The following SH3D19 variants were observed in gnomAD, a reference collection of about 807,000 sequenced individuals.
The protein encoded by SH3D19 is SH3 domain-containing protein 19.
SH3D19 carries 58 observed loss-of-function variants against 112.1 expected under a neutral mutation model. The ratio of observed to expected loss-of-function variants is 0.52; its 90% CI spans 0.42 to 0.64. The LOEUF is 0.64. Ranked by LOEUF, SH3D19 falls within the 30% of genes least tolerant of loss-of-function variation. The probability of loss-of-function intolerance (pLI) is 0.00; values close to 1 mark genes in which losing one functional copy is unlikely to be tolerated. For missense variants in SH3D19, 1,090 were observed against 1,263.4 expected, an observed-to-expected ratio of 0.86 and a Z score of 2.08; for synonymous variants, 391 against 448.5, an observed-to-expected ratio of 0.87 and a Z score of 1.62.
At chr4:151,288,344 A>G (rs1257210326) in intron 1 of SH3D19, among the ~76,000 whole-genome samples, 1 of 152,230 alleles carries the variant, frequency 6.6e-6, no homozygotes, top group African/African-American at 2.4e-5. Flanking sequence ...ATCTCTAGTC[A>G]CAGATGACAT....
intron 1 of SH3D19, among the ~76,000 whole-genome samples, chr4:151,319,885 T>C (rs954497656): frequency 3.3e-5 from 5 of 152,318 alleles, no homozygotes; most frequent in African/African-American, 9.6e-5. Context: ...AACTGACTTA[T>C]ATGAGCAGTC....
chr4:151,154,128 ATT>A (rs547926242), intron 9 of SH3D19, among the ~76,000 whole-genome samples: 19 of 108,710 alleles, frequency 1.7e-4, no homozygotes, highest in Admixed American at 1.9e-4. Flanking sequence ...CACCCGGCTG[ATT>A]TTTTTTTTTT....
At chr4:151,298,579 G>C (rs1260282978) in intron 1 of SH3D19, among the ~76,000 whole-genome samples, 1 of 152,104 alleles carries the variant, frequency 6.6e-6, no homozygotes, top group South Asian at 2.1e-4. Context: ...ATTAGATGTC[G>C]AAGTAAAGAT....
At chr4:151,294,681 G>A (rs1775580076) in intron 1 of SH3D19, among the ~76,000 whole-genome samples, 1 of 152,212 alleles carries the variant, frequency 6.6e-6, no homozygotes, top group African/African-American at 2.4e-5. Flanking sequence ...CATGTACCAG[G>A]TACCATTCCA....
chr4:151,267,348 A>T (rs2149994218), intron 1 of SH3D19, among the ~76,000 whole-genome samples: 1 of 152,140 alleles, frequency 6.6e-6, no homozygotes, highest in African/African-American at 2.4e-5. Context: ...AGAAAAAAAA[A>T]AAGGCTCTTT....
chr4:151,158,999 T>C (rs1423748259), intron 9 of SH3D19, among the ~76,000 whole-genome samples: 5 of 152,152 alleles, frequency 3.3e-5, no homozygotes, highest in Non-Finnish European at 4.4e-5. Context: ...ACAATGCCAT[T>C]AAGTTGGTAT....
intron 9 of SH3D19, among the ~76,000 whole-genome samples, chr4:151,157,259 GA>G (rs560064738): frequency 4.1e-4 from 50 of 122,044 alleles, no homozygotes; most frequent in Middle Eastern, 4.2e-3. Flanking sequence ...CTCAAAAAAA[GA>G]AAAAAAAAAA....
chr4:151,298,962 C>T (rs1038613557), intron 1 of SH3D19, among the ~76,000 whole-genome samples: 5 of 152,140 alleles, frequency 3.3e-5, no homozygotes, highest in African/African-American at 1.2e-4. Flanking sequence ...AGTTCAAATC[C>T]CCCACATAAT....
chr4:151,214,588 T>C (rs1479106988), intron 2 of SH3D19, among the ~76,000 whole-genome samples: 14 of 126,430 alleles, frequency 1.1e-4, no homozygotes, highest in African/African-American at 4.1e-4. Flanking sequence ...GGCAGGGGGC[T>C]GACCCCCCAC....
At chr4:151,301,556 C>T (rs1472168603) in intron 1 of SH3D19, among the ~76,000 whole-genome samples, 1 of 152,038 alleles carries the variant, frequency 6.6e-6, no homozygotes, top group Non-Finnish European at 1.5e-5. Context: ...AGGTGTGTGG[C>T]ACTCCCCGCT....
At chr4:151,161,213 T>C (rs111872373) in intron 8 of SH3D19, among the ~76,000 whole-genome samples, 272 of 152,136 alleles carry the variant, frequency 1.8e-3, no homozygotes, top group Middle Eastern at 3.4e-3. Context: ...GGAGGGAGCC[T>C]TGCAGACATC....
intron 16 of SH3D19, 42 bp downstream of exon 16, chr4:151,132,992 G>C (rs375015202): frequency 5.8e-5 from 87 of 1,489,764 alleles, no homozygotes; most frequent in Non-Finnish European, 7.7e-5. Flanking sequence ...TGGTTTATTT[G>C]AATTAGGACA....
At chr4:151,289,402 T>C (rs551265883) in intron 1 of SH3D19, among the ~76,000 whole-genome samples, 112 of 152,298 alleles carry the variant, frequency 7.4e-4, no homozygotes, top group Non-Finnish European at 8.5e-4. Context: ...TTCAGAACTT[T>C]TATGCTTCAA....
chr4:151,267,635 T>C (rs974603403), intron 1 of SH3D19, among the ~76,000 whole-genome samples: 7 of 152,162 alleles, frequency 4.6e-5, no homozygotes, highest in Non-Finnish European at 1.0e-4. Flanking sequence ...TTTTTTCAAT[T>C]AACAAAATGA....
At chr4:151,151,376 T>G (rs1370095416) in intron 9 of SH3D19, among the ~76,000 whole-genome samples, 1 of 152,172 alleles carries the variant, frequency 6.6e-6, no homozygotes, top group Non-Finnish European at 1.5e-5. Flanking sequence ...AAAAAAATGC[T>G]GACTCTTTAA....
At chr4:151,218,698 G>A (rs1480507424) in intron 2 of SH3D19, among the ~76,000 whole-genome samples, 1 of 152,126 alleles carries the variant, frequency 6.6e-6, no homozygotes, top group East Asian at 1.9e-4. Context: ...CCATTCATTT[G>A]ATAATCAATA....
intron 2 of SH3D19, among the ~76,000 whole-genome samples, chr4:151,190,282 G>C (rs1361697553): frequency 6.6e-6 from 1 of 152,192 alleles, no homozygotes; most frequent in Non-Finnish European, 1.5e-5. Context: ...CTGACAATGT[G>C]ATAAAAGAGA....
At chr4:151,249,693 A>G (rs1177583816) in intron 1 of SH3D19, among the ~76,000 whole-genome samples, 1 of 152,158 alleles carries the variant, frequency 6.6e-6, no homozygotes, top group Non-Finnish European at 1.5e-5. Context: ...CAACATTTTC[A>G]GGAACAAAGG....
In SH3D19 at chr4:151,165,668, T is replaced by A. The variant is rs766726099; in HGVS notation, c.1563A>T (p.Glu521Asp). 3 of 1,614,082 alleles carry A rather than the reference T, an allele frequency of 1.9e-6. No individual in the cohort carries two copies. In the African/African-American group the frequency reaches 4.0e-5, roughly 22 times the overall value. Residue 521 changes from glutamate (E) to aspartate (D), a missense_variant, in exon 8 of 20, where the codon GAA (glutamate) becomes GAT (aspartate). Physicochemically the swap from Glu to Asp is conservative, Grantham distance 45. Transcript: ENST00000604030. ...GTTGAACTGCTCGTTCTTTTATTGGTTCTGTTTTTGCAGGGAGCTGAAAGG... is the reference window on the plus strand; with the variant it reads ...GTTGAACTGCTCGTTCTTTTATTGGATCTGTTTTTGCAGGGAGCTGAAAGG... ...LDPFQLPAKTEPIKERAVQPA... is the reference protein window; with the variant it reads ...LDPFQLPAKTDPIKERAVQPA...
Sources: allele counts gnomAD v4.1 joint callset (sites outside exome capture counted in the v4.1 genomes callset), GRCh38; gene constraint gnomAD v4.1.1; transcripts MANE v1.5; gene names NCBI Gene and HGNC (gene_info 2026-07-23, HGNC 2026-07-21).